UGCG: variants seen among roughly 807,000 people sequenced by gnomAD.
UGCG encodes the protein UDP-glucose ceramide glucosyltransferase.
Under a neutral mutation model 49.5 loss-of-function variants are expected in UGCG, and 10 were observed. The ratio of observed to expected loss-of-function variants is 0.20; its 90% CI spans 0.12 to 0.34. The LOEUF is 0.34. Ranked by LOEUF, UGCG falls within the 10% of genes least tolerant of loss-of-function variation. The probability of loss-of-function intolerance (pLI) is 1.00; values close to 1 mark genes in which losing one functional copy is unlikely to be tolerated. For missense variants in UGCG, 312 were observed against 483.7 expected (o/e 0.65, Z 3.33); for synonymous variants, 182 against 158.2 (o/e 1.15, Z -1.13).
intron 2 of UGCG, among the ~76,000 whole-genome samples, chr9:111,915,426 T>C (rs1488465015): frequency 6.6e-6 from 1 of 152,260 alleles, no homozygotes; most frequent in East Asian, 1.9e-4. Context: ...TTGATTTTTG[T>C]ACTTAGCTTT....
chr9:111,923,916 A>G (rs1316290572), intron 3 of UGCG, among the ~76,000 whole-genome samples: 2 of 151,664 alleles, frequency 1.3e-5, no homozygotes, highest in Admixed American at 6.6e-5. Flanking sequence ...TAGCCTCCCC[A>G]GTAGCTGGGA....
intron 5 of UGCG, 189 bp from the exon 6 acceptor site, chr9:111,929,311 T>G (rs1838379011): frequency 2.2e-6 from 1 of 461,834 alleles, no homozygotes; most frequent in South Asian, 5.0e-5. Context: ...GATGCATTTT[T>G]AGCTTACTAA....
chr9:111,932,408 A>G, intron 8 of UGCG, 49 bp downstream of exon 8: 4 of 1,524,294 alleles, frequency 2.6e-6, no homozygotes, highest in Non-Finnish European at 3.6e-6. Flanking sequence ...TGGAACTAGA[A>G]CTATTTCAAT....
rs2118572465 is a variant in UGCG, at chr9:111,922,834, A to G, written c.241-15A>G. The G allele has an allele frequency of 6.4e-7, 1 of 1,569,542 alleles. No homozygotes were observed. The highest frequency in any genetic ancestry group is 8.7e-7 in the Non-Finnish European group (1 of 1,152,224). On this transcript the variant is annotated splice_polypyrimidine_tract_variant and intron_variant, in intron 2 of 8. Transcript: ENST00000374279. ...TTTTAAAGAATTTAATTTACATACA[A>G]TGCTTTTTGACTAGTATGAAGTGCT...
Position 111,906,979 on chromosome 9 carries a change from A to C in UGCG, c.99-7626A>C, listed in dbSNP as rs561145321. Among the ~76,000 whole-genome samples, 18 of 152,306 alleles carry C rather than the reference A, an allele frequency of 1.2e-4. No homozygotes were observed. The East Asian group carries it at 2.1e-3, about 18-fold the overall frequency. ...GAATTTATAGCAGAGATGAGTCTTAAAGCAGTGCTGCTCAAGCTTGAGTGT... is the reference window on the plus strand; with the variant it reads ...GAATTTATAGCAGAGATGAGTCTTACAGCAGTGCTGCTCAAGCTTGAGTGT... On this transcript the variant is annotated intron_variant, in intron 1 of 8. Coordinates refer to ENST00000374279, the MANE Select transcript of UGCG (RefSeq NM_003358.3).
chr9:111,926,537 C>A, intron 5 of UGCG, 41 bp downstream of exon 5: 1 of 1,434,768 alleles, frequency 7.0e-7, no homozygotes, highest in Non-Finnish European at 9.5e-7. Context: ...AGTATCAGAC[C>A]CCTCATTTCC....
chr9:111,921,668 G>C (rs755928609), intron 2 of UGCG, among the ~76,000 whole-genome samples: 1 of 150,382 alleles, frequency 6.6e-6, no homozygotes, highest in Non-Finnish European at 1.5e-5. Flanking sequence ...AAAAAAGTTG[G>C]GTTGTTAATG....
rs749911620 is a variant in UGCG at position 111,931,325 on chromosome 9, T to C, written c.792T>C (p.Tyr264=). Residue 264 remains tyrosine, a synonymous_variant, in exon 7 of 9, where the codon TAT becomes TAC. Coordinates refer to ENST00000374279, the MANE Select transcript of UGCG (RefSeq NM_003358.3). ...TQVAMQNSGS[Y]SISQFQSRMI... ...TTGCAATGCAAAACTCTGGCTCATA[T>C]TCAATTTCTCAGTTTCAATCCAGAA... is the stretch of plus-strand genomic sequence containing the variant. 1.3e-5 allele frequency: 21 copies of C among 1,613,862 alleles called. No individual in the cohort carries two copies. The highest frequency in any genetic ancestry group is 3.3e-5 in the Admixed American group (2 of 60,002).
chr9:111,926,177 T>A (rs1838309127), intron 4 of UGCG, among the ~76,000 whole-genome samples: 1 of 152,236 alleles, frequency 6.6e-6, no homozygotes, highest in African/African-American at 2.4e-5. Flanking sequence ...AATGTATAAA[T>A]TAGCTTTCGA....
intron 1 of UGCG, among the ~76,000 whole-genome samples, chr9:111,906,863 A>T (rs1315728802): frequency 6.6e-6 from 1 of 152,140 alleles, no homozygotes; most frequent in African/African-American, 2.4e-5. Flanking sequence ...TACAAAAATG[A>T]TCCTGGTTGC....
intron 1 of UGCG, among the ~76,000 whole-genome samples, chr9:111,907,093 A>G (rs1459250893): frequency 1.3e-5 from 2 of 152,166 alleles, no homozygotes; most frequent in African/African-American, 2.4e-5. Flanking sequence ...AAGCTCTGAA[A>G]AGCTCCCAGG....
At chr9:111,897,417 G>T in intron 1 of UGCG, 104 bp downstream of exon 1, 1 of 896,100 alleles carries the variant, frequency 1.1e-6, no homozygotes, top group South Asian at 1.6e-5. Flanking sequence ...GCTCGGGCGG[G>T]GGTGGAGAAA....
At chr9:111,920,012 C>T (rs897624756) in intron 2 of UGCG, among the ~76,000 whole-genome samples, 7 of 152,198 alleles carry the variant, frequency 4.6e-5, no homozygotes, top group East Asian at 1.9e-4. Context: ...GGCTGACTGA[C>T]ACTTTCTGTG....
At chr9:111,916,798 A>G (rs1204466594) in intron 2 of UGCG, among the ~76,000 whole-genome samples, 1 of 151,900 alleles carries the variant, frequency 6.6e-6, no homozygotes, top group Non-Finnish European at 1.5e-5. Flanking sequence ...CCAGGGTTAT[A>G]TGTATCCATT....
At chr9:111,924,016 G>C (rs1329770628) in intron 3 of UGCG, among the ~76,000 whole-genome samples, 2 of 152,118 alleles carry the variant, frequency 1.3e-5, no homozygotes, top group African/African-American at 4.8e-5. Context: ...TCGAAGTCCT[G>C]ACCTCAGGTG....
chr9:111,922,484 C>T (rs1050826713), intron 2 of UGCG, among the ~76,000 whole-genome samples: 3 of 152,142 alleles, frequency 2.0e-5, no homozygotes, highest in Non-Finnish European at 2.9e-5. Context: ...TCACTTTTTA[C>T]TCTGCTAGGC....
intron 1 of UGCG, among the ~76,000 whole-genome samples, chr9:111,898,797 G>A (rs2131710636): frequency 6.6e-6 from 1 of 152,302 alleles, no homozygotes; most frequent in Non-Finnish European, 1.5e-5. Context: ...ATCTGTGTGT[G>A]TGTGTGAGAG....
intron 2 of UGCG, among the ~76,000 whole-genome samples, chr9:111,918,095 A>G (rs578134038): frequency 6.6e-6 from 1 of 151,776 alleles, no homozygotes; most frequent in African/African-American, 2.4e-5. Flanking sequence ...GTGCTGGAGT[A>G]CAATGCCACA....
intron 2 of UGCG, among the ~76,000 whole-genome samples, chr9:111,919,073 A>G (rs890066100): frequency 6.6e-6 from 1 of 152,190 alleles, no homozygotes; most frequent in East Asian, 1.9e-4. Flanking sequence ...TTCTAGTACT[A>G]TATTTTTACA....
Sources: gnomAD v4.1 joint callset for allele counts (sites outside exome capture counted in the v4.1 genomes callset) on GRCh38, gnomAD v4.1.1 for gene constraint, MANE v1.5 for transcripts, NCBI Gene and HGNC (gene_info 2026-07-23, HGNC 2026-07-21) for gene names.